ST6GALNAC5: variants seen among roughly 807,000 people sequenced by gnomAD.
ST6GALNAC5 encodes alpha-N-acetylgalactosaminide alpha-2,6-sialyltransferase 5.
ST6GALNAC5 carries 27 observed loss-of-function variants against 33.6 expected under a neutral mutation model. The ratio of observed to expected loss-of-function variants is 0.80; its 90% CI spans 0.59 to 1.11. The LOEUF is 1.11. ST6GALNAC5 is among the 50% of genes least tolerant of loss of function. The pLI is 0.00. For synonymous variants in ST6GALNAC5, 194 were observed against 171.2 expected, an observed-to-expected ratio of 1.13 and a Z score of -1.04; for missense variants, 428 against 454.0, an observed-to-expected ratio of 0.94 and a Z score of 0.52.
At chr1:76,888,816 G>T (rs1653953348) in intron 2 of ST6GALNAC5, among the ~76,000 whole-genome samples, 1 of 151,912 alleles carries the variant, frequency 6.6e-6, no homozygotes, top group South Asian at 2.1e-4. Flanking sequence ...TATATTTATT[G>T]TGTACAGCAT....
intron 2 of ST6GALNAC5, among the ~76,000 whole-genome samples, chr1:76,988,664 T>A (rs1437759923): frequency 2.6e-5 from 4 of 152,172 alleles, no homozygotes. Context: ...TTCCAGCTGT[T>A]TTAAATTAAA....
chr1:76,947,922 G>A (rs999017395), intron 2 of ST6GALNAC5, among the ~76,000 whole-genome samples: 6 of 152,104 alleles, frequency 3.9e-5, no homozygotes, highest in African/African-American at 9.7e-5. Flanking sequence ...TCCTGCAGAA[G>A]TTTCCTGTCC....
intron 2 of ST6GALNAC5, among the ~76,000 whole-genome samples, chr1:77,002,141 A>T (rs930636665): frequency 6.6e-6 from 1 of 151,890 alleles, no homozygotes; most frequent in Non-Finnish European, 1.5e-5. Context: ...TGGTTGGTAA[A>T]CTATTGATTA....
At chr1:76,973,098 G>A (rs538711722) in intron 2 of ST6GALNAC5, among the ~76,000 whole-genome samples, 1 of 151,974 alleles carries the variant, frequency 6.6e-6, no homozygotes, top group East Asian at 1.9e-4. Context: ...GATGGGTAGG[G>A]TTTTTCTGCT....
chr1:76,988,877 AAAT>A (rs771386094), intron 2 of ST6GALNAC5, among the ~76,000 whole-genome samples: 1 of 152,166 alleles, frequency 6.6e-6, no homozygotes, highest in African/African-American at 2.4e-5. Flanking sequence ...GACATCAACA[AAAT>A]AATATTGCTC....
At chr1:76,965,391 C>T (rs961479801) in intron 2 of ST6GALNAC5, among the ~76,000 whole-genome samples, 5 of 152,014 alleles carry the variant, frequency 3.3e-5, no homozygotes, top group Admixed American at 1.3e-4. Context: ...CATGTGTCTG[C>T]GGGTGCATAA....
intron 2 of ST6GALNAC5, among the ~76,000 whole-genome samples, chr1:77,018,114 C>G (rs1255834516): frequency 6.6e-6 from 1 of 152,118 alleles, no homozygotes; most frequent in Non-Finnish European, 1.5e-5. Flanking sequence ...TAGGCAACTT[C>G]AGGCAAGAAG....
At chr1:76,967,661 T>G (rs2100359892) in intron 2 of ST6GALNAC5, among the ~76,000 whole-genome samples, 1 of 152,358 alleles carries the variant, frequency 6.6e-6, no homozygotes, top group Admixed American at 6.5e-5. Context: ...CACTGGTTCT[T>G]CTAATTTTGA....
chr1:76,983,528 T>A (rs1003893025), intron 2 of ST6GALNAC5, among the ~76,000 whole-genome samples: 3 of 151,934 alleles, frequency 2.0e-5, no homozygotes, highest in East Asian at 3.9e-4. Context: ...TCCTTAGAGA[T>A]CTACAAAGAG....
chr1:76,897,408 A>G (rs1646753931), intron 2 of ST6GALNAC5, among the ~76,000 whole-genome samples: 1 of 152,230 alleles, frequency 6.6e-6, no homozygotes, highest in Admixed American at 6.5e-5. Flanking sequence ...TTAGACAGAT[A>G]AAATGGGGGA....
chr1:77,062,729 G>C (rs1448484243), intron 4 of ST6GALNAC5, among the ~76,000 whole-genome samples: 2 of 152,106 alleles, frequency 1.3e-5, no homozygotes, highest in Non-Finnish European at 2.9e-5. Context: ...GTCTAAATCT[G>C]AGGAGACTGA....
chr1:76,935,855 T>A (rs1647196721), intron 2 of ST6GALNAC5, among the ~76,000 whole-genome samples: 1 of 152,048 alleles, frequency 6.6e-6, no homozygotes, highest in Non-Finnish European at 1.5e-5. Flanking sequence ...GCCCTTGGGA[T>A]ACAGCGATGA....
At chr1:76,954,641 G>A (rs1258215881) in intron 2 of ST6GALNAC5, among the ~76,000 whole-genome samples, 2 of 152,126 alleles carry the variant, frequency 1.3e-5, no homozygotes, top group Admixed American at 1.3e-4. Flanking sequence ...TCATTTTGTA[G>A]AAAATTAAAA....
At chr1:76,885,717 T>C (rs990298763) in intron 2 of ST6GALNAC5, among the ~76,000 whole-genome samples, 1 of 152,236 alleles carries the variant, frequency 6.6e-6, no homozygotes, top group African/African-American at 2.4e-5. Flanking sequence ...TTCATCCCTC[T>C]AGTAGCTTAA....
chr1:76,927,171 A>G (rs1647094195), intron 2 of ST6GALNAC5, among the ~76,000 whole-genome samples: 1 of 152,070 alleles, frequency 6.6e-6, no homozygotes, highest in Non-Finnish European at 1.5e-5. Context: ...AACACCTTCA[A>G]ATAACACCTA....
chr1:76,915,609 C>T (rs532059511), intron 2 of ST6GALNAC5, among the ~76,000 whole-genome samples: 41 of 151,086 alleles, frequency 2.7e-4, no homozygotes, highest in Admixed American at 2.0e-3. Context: ...AACCAAACAC[C>T]GCATGTTCTC....
chr1:76,920,360 T>C (rs1333257793), intron 2 of ST6GALNAC5, among the ~76,000 whole-genome samples: 4 of 152,222 alleles, frequency 2.6e-5, no homozygotes, highest in South Asian at 2.1e-4. Flanking sequence ...AAAACAGCCA[T>C]ATGACTGATA....
chr1:77,063,963 A>G lies in ST6GALNAC5; in HGVS notation c.*757A>G, dbSNP rs530431362. On this transcript the variant is annotated 3_prime_UTR_variant, in exon 5 of 5. Transcript: ENST00000477717. Reference sequence around the variant, plus strand: ...GGAAAACTGCTCTTTTGTAAAAAGAATAGCGATGACATTTTCTAATGTGCA... The same window carrying G: ...GGAAAACTGCTCTTTTGTAAAAAGAGTAGCGATGACATTTTCTAATGTGCA... The G allele has an allele frequency of 6.5e-6, 1 of 152,780 alleles. No homozygotes were observed. Among genetic ancestry groups the G allele is most frequent in the Admixed American group, 6.5e-5 (1 of 15,298 alleles). 9.5% of individuals were successfully genotyped at this position (152,780 alleles called of 1,614,324 possible).
intron 2 of ST6GALNAC5, among the ~76,000 whole-genome samples, chr1:76,870,487 C>A (rs1051803149): frequency 3.3e-5 from 5 of 152,146 alleles, no homozygotes; most frequent in African/African-American, 1.2e-4. Context: ...CAGACACCAG[C>A]TAAGAATATT....
Sources: allele counts gnomAD v4.1 joint callset (sites outside exome capture counted in the v4.1 genomes callset), GRCh38; gene constraint gnomAD v4.1.1; transcripts MANE v1.5; gene names NCBI Gene and HGNC (gene_info 2026-07-23, HGNC 2026-07-21).